The following FAT3 variants were observed in gnomAD, a reference collection of about 807,000 sequenced individuals.
FAT3 encodes FAT atypical cadherin 3.
Under a neutral mutation model 310.2 loss-of-function variants are expected in FAT3, and 95 were observed. The ratio of observed to expected loss-of-function variants is 0.31; its 90% CI spans 0.26 to 0.36. The LOEUF is 0.36. Ranked by LOEUF, FAT3 falls within the 10% of genes least tolerant of loss-of-function variation. The pLI is 1.00. For synonymous variants in FAT3, 2,314 were observed against 2,192.9 expected, an observed-to-expected ratio of 1.06 and a Z score of -1.54; for missense variants, 5,408 against 5,715.6, an observed-to-expected ratio of 0.95 and a Z score of 1.74.
intron 3 of FAT3, among the ~76,000 whole-genome samples, chr11:92,533,175 T>C (rs72974421): frequency 1.1e-3 from 160 of 152,200 alleles, no homozygotes; most frequent in Non-Finnish European, 1.9e-3. Context: ...ACTACAGGTA[T>C]GTACCACCGT....
chr11:92,562,845 G>A (rs1006108002), intron 3 of FAT3, among the ~76,000 whole-genome samples: 7 of 152,136 alleles, frequency 4.6e-5, no homozygotes, highest in African/African-American at 1.7e-4. Context: ...TCAACAGATT[G>A]GATGCTGTCC....
intron 3 of FAT3, among the ~76,000 whole-genome samples, chr11:92,631,605 A>G (rs1941562742): frequency 6.6e-6 from 1 of 152,048 alleles, no homozygotes; most frequent in Non-Finnish European, 1.5e-5. Flanking sequence ...CATGATCACA[A>G]GTTTCCTGAG....
intron 3 of FAT3, among the ~76,000 whole-genome samples, chr11:92,655,175 C>T (rs183040754): frequency 6.6e-6 from 1 of 152,186 alleles, no homozygotes; most frequent in African/African-American, 2.4e-5. Context: ...GTGGCATTCT[C>T]CTTCTGGCCT....
chr11:92,634,368 A>G (rs1364598780), intron 3 of FAT3, among the ~76,000 whole-genome samples: 1 of 152,134 alleles, frequency 6.6e-6, no homozygotes, highest in East Asian at 1.9e-4. Flanking sequence ...GGAGTTTCCC[A>G]GTGTTGTAGC....
chr11:92,697,455 T>C lies in FAT3; in HGVS notation c.3669+10T>C. ...AGAACATTTTCTGGAGGTAAGCGCA[T>C]AGAGGGAACTGAAATTCATTAAAAC... On this transcript the variant is annotated intron_variant, in intron 4 of 27. Transcript: ENST00000525166. 5 of 1,613,620 alleles carry C rather than the reference T, an allele frequency of 3.1e-6. No homozygotes were observed. The highest frequency in any genetic ancestry group is 4.2e-6 in the Non-Finnish European group (5 of 1,179,640).
chr11:92,847,053 CCCTA>C (rs1948700109), intron 19 of FAT3, among the ~76,000 whole-genome samples: 1 of 152,104 alleles, frequency 6.6e-6, no homozygotes, highest in Non-Finnish European at 1.5e-5. Context: ...CCTCTTGGGC[CCCTA>C]CTTTATTATC....
intron 3 of FAT3, among the ~76,000 whole-genome samples, chr11:92,527,862 C>G (rs892490639): frequency 4.6e-5 from 7 of 152,160 alleles, no homozygotes; most frequent in Non-Finnish European, 1.0e-4. Flanking sequence ...GATACATAGA[C>G]AGAGGCATAC....
intron 6 of FAT3, among the ~76,000 whole-genome samples, chr11:92,766,381 T>G (rs1227222027): frequency 6.6e-6 from 1 of 151,998 alleles, no homozygotes; most frequent in East Asian, 1.9e-4. Context: ...ATCATTTCCT[T>G]CCCCATGGCA....
chr11:92,371,788 A>G (rs540730991), intron 2 of FAT3, among the ~76,000 whole-genome samples: 10 of 152,312 alleles, frequency 6.6e-5, no homozygotes, highest in Middle Eastern at 6.8e-3. Flanking sequence ...CCCATGCAGC[A>G]TAATAGCTAG....
rs373121811 is a variant in FAT3, at chr11:92,524,833, C to T, written c.3492C>T (p.Asp1164=). 225 of 1,613,668 alleles carry T rather than the reference C, an allele frequency of 1.4e-4. No homozygotes were observed. The highest frequency in any genetic ancestry group is 1.7e-4 in the Non-Finnish European group (206 of 1,179,798). ...TTGTCATGGAAAACTCTCCAAAGGACGTATCTGTCATTCAGATCCAGGCTG... is the reference window on the plus strand; with the variant it reads ...TTGTCATGGAAAACTCTCCAAAGGATGTATCTGTCATTCAGATCCAGGCTG... ...YPVVMENSPK[D]VSVIQIQAED... The change falls in exon 3 of 28, where the codon GAC becomes GAT. Residue 1164 remains aspartate, a synonymous_variant. Transcript: ENST00000525166.
intron 1 of FAT3, among the ~76,000 whole-genome samples, chr11:92,244,874 C>T (rs568387657): frequency 3.0e-4 from 46 of 152,174 alleles, no homozygotes; most frequent in African/African-American, 8.4e-4. Context: ...GAAATAGGAA[C>T]GCTTTTACAC....
At chr11:92,299,597 G>A (rs1451634806) in intron 1 of FAT3, among the ~76,000 whole-genome samples, 3 of 152,092 alleles carry the variant, frequency 2.0e-5, no homozygotes, top group African/African-American at 4.8e-5. Flanking sequence ...CAACAGAGGG[G>A]TGGGTCACAG....
In FAT3 at chr11:92,354,414, G is replaced by A. The variant is rs1342926494; in HGVS notation, c.2302G>A (p.Gly768Arg). The A allele has an allele frequency of 1.9e-6, 3 of 1,613,734 alleles. No homozygotes were observed. The highest frequency in any genetic ancestry group is 2.7e-5 in the African/African-American group (2 of 74,916). Reference sequence around the variant, plus strand: ...AAAAGTGCTATTTACAATATCAGATGGAAATACGGATAGTTGCTTTAATAT... The same window carrying A: ...AAAAGTGCTATTTACAATATCAGATAGAAATACGGATAGTTGCTTTAATAT... The part of the protein sequence containing the change: ...NGKVLFTISD[G>R]NTDSCFNIDM... Residue 768 changes from glycine (G) to arginine (R), a missense_variant, in exon 2 of 28, where the codon GGA becomes AGA. Physicochemically the swap from Gly to Arg is moderately radical, Grantham distance 125 (BLOSUM62 -2). Coordinates refer to ENST00000525166, the MANE Select transcript of FAT3 (RefSeq NM_001367949.2).
At chr11:92,712,318 C>A (rs138486808) in intron 4 of FAT3, among the ~76,000 whole-genome samples, 34 of 152,262 alleles carry the variant, frequency 2.2e-4, no homozygotes, top group African/African-American at 7.9e-4. Flanking sequence ...AAGACTCTTA[C>A]GTGCATGCCA....
intron 3 of FAT3, among the ~76,000 whole-genome samples, chr11:92,646,978 C>T (rs1328816356): frequency 6.6e-6 from 1 of 152,048 alleles, no homozygotes; most frequent in Non-Finnish European, 1.5e-5. Context: ...CTAGGCATAG[C>T]TTTTTTAGAC....
intron 1 of FAT3, among the ~76,000 whole-genome samples, chr11:92,289,470 A>T (rs1946638361): frequency 6.7e-6 from 1 of 149,746 alleles, no homozygotes; most frequent in Non-Finnish European, 1.5e-5. Flanking sequence ...TGGTAGCTCC[A>T]ACCTCCCAGC....
chr11:92,434,378 A>G (rs1950878811), intron 2 of FAT3, among the ~76,000 whole-genome samples: 1 of 152,176 alleles, frequency 6.6e-6, no homozygotes, highest in African/African-American at 2.4e-5. Flanking sequence ...TTACTCTTTA[A>G]AATAAATCAG....
chr11:92,620,846 A>G (rs1167009313), intron 3 of FAT3, among the ~76,000 whole-genome samples: 1 of 152,130 alleles, frequency 6.6e-6, no homozygotes, highest in Non-Finnish European at 1.5e-5. Flanking sequence ...TGGGAATTCT[A>G]AAGTCAAGGA....
At chr11:92,454,674 C>G (rs541488335) in intron 2 of FAT3, among the ~76,000 whole-genome samples, 1 of 152,058 alleles carries the variant, frequency 6.6e-6, no homozygotes, top group African/African-American at 2.4e-5. Flanking sequence ...TTTTAGAACT[C>G]TGATAGGCAT....
Sources: allele counts gnomAD v4.1 joint callset (sites outside exome capture counted in the v4.1 genomes callset), GRCh38; gene constraint gnomAD v4.1.1; transcripts MANE v1.5; gene names NCBI Gene and HGNC (gene_info 2026-07-23, HGNC 2026-07-21).